The following GALNT7 variants were observed in gnomAD, a reference collection of about 807,000 sequenced individuals.
GALNT7 encodes the protein N-acetylgalactosaminyltransferase 7.
A neutral mutation model predicts 82.1 loss-of-function variants in GALNT7; 60 were observed. That is an observed-to-expected ratio of 0.73 (90% CI 0.59 to 0.91). GALNT7 has a LOEUF of 0.91. Among genes scored for constraint, GALNT7 ranks in the 40% least tolerant of loss-of-function variants. The pLI is 0.00. For missense variants in GALNT7, 660 were observed against 804.2 expected (o/e 0.82, Z 2.17); for synonymous variants, 243 against 275.1 (o/e 0.88, Z 1.15).
At chr4:173,169,033 A>T in intron 1 of GALNT7, 72 bp downstream of exon 1, 1 of 1,499,104 alleles carries the variant, frequency 6.7e-7, no homozygotes, top group Non-Finnish European at 9.1e-7. Context: ...GTGTGGAGGG[A>T]GCAGGGGCGG....
chr4:173,172,321 C>G (rs1435653217), intron 1 of GALNT7, among the ~76,000 whole-genome samples: 1 of 152,202 alleles, frequency 6.6e-6, no homozygotes, highest in Non-Finnish European at 1.5e-5. Context: ...AAGTTTTACT[C>G]ATGCTCACTT....
intron 1 of GALNT7, among the ~76,000 whole-genome samples, chr4:173,181,687 A>AC (rs554740684): frequency 1.5e-3 from 222 of 152,318 alleles, no homozygotes; most frequent in African/African-American, 5.2e-3. Context: ...CTACAGACAT[A>AC]ATAAAGCTGA....
chr4:173,234,930 G>A (rs1043585212), intron 1 of GALNT7, among the ~76,000 whole-genome samples: 3 of 152,134 alleles, frequency 2.0e-5, no homozygotes, highest in Non-Finnish European at 4.4e-5. Flanking sequence ...GCAGCCTGAG[G>A]CCCTATCAGA....
At chr4:173,170,173 C>A (rs999580035) in intron 1 of GALNT7, among the ~76,000 whole-genome samples, 2 of 152,168 alleles carry the variant, frequency 1.3e-5, no homozygotes, top group Admixed American at 6.5e-5. Flanking sequence ...TCCTCCTCCC[C>A]GCTGGGACAG....
intron 1 of GALNT7, among the ~76,000 whole-genome samples, chr4:173,181,285 G>A (rs57303879): frequency 6.6e-6 from 1 of 152,072 alleles, no homozygotes; most frequent in Non-Finnish European, 1.5e-5. Flanking sequence ...CTGCAGTTTC[G>A]TTAACTGTTG....
chr4:173,236,429 C>CT (rs1246646110), intron 1 of GALNT7, among the ~76,000 whole-genome samples: 1 of 152,194 alleles, frequency 6.6e-6, no homozygotes, highest in Non-Finnish European at 1.5e-5. Context: ...TCTTATCTCT[C>CT]TGACAACATC....
intron 3 of GALNT7, among the ~76,000 whole-genome samples, chr4:173,293,687 A>G (rs1203582117): frequency 1.3e-5 from 2 of 152,206 alleles, no homozygotes. Context: ...ACTGCGACTG[A>G]GTTGGGCCGA....
In GALNT7 at chr4:173,205,957, G is replaced by A. The variant is rs1026042125; in HGVS notation, c.126+36996G>A. Among the ~76,000 whole-genome samples the A allele has an allele frequency of 2.6e-5, 4 of 152,244 alleles. No homozygotes were observed. The East Asian group carries it at 7.7e-4, about 29-fold the overall frequency. ...CTGCCAGGCTAGCCTAGAGCCTGGG[G>A]CTGCAGGATCCTGCCTGGTGCTGGG... On this transcript the variant is annotated intron_variant, in intron 1 of 11. Coordinates refer to ENST00000265000, the MANE Select transcript of GALNT7 (RefSeq NM_017423.3).
At chr4:173,261,615 G>A (rs1020152452) in intron 2 of GALNT7, among the ~76,000 whole-genome samples, 1 of 152,018 alleles carries the variant, frequency 6.6e-6, no homozygotes, top group Non-Finnish European at 1.5e-5. Context: ...CCAGGAGTTC[G>A]AGACCAGCCT....
chr4:173,214,074 C>A (rs1733363924), intron 1 of GALNT7, among the ~76,000 whole-genome samples: 1 of 152,038 alleles, frequency 6.6e-6, no homozygotes, highest in African/African-American at 2.4e-5. Flanking sequence ...TCCAGGCAAA[C>A]CTCAAACAAT....
intron 1 of GALNT7, among the ~76,000 whole-genome samples, chr4:173,177,262 G>C (rs933635741): frequency 6.6e-6 from 1 of 152,170 alleles, no homozygotes; most frequent in Admixed American, 6.5e-5. Flanking sequence ...ATCATGCTTT[G>C]AGGAGTGCCA....
chr4:173,174,772 G>A (rs1437962709), intron 1 of GALNT7, among the ~76,000 whole-genome samples: 1 of 152,196 alleles, frequency 6.6e-6, no homozygotes, highest in Non-Finnish European at 1.5e-5. Flanking sequence ...ACAAGGATAT[G>A]TTTCATCAGT....
At chr4:173,252,274 G>A (rs1252186626) in intron 2 of GALNT7, among the ~76,000 whole-genome samples, 2 of 152,322 alleles carry the variant, frequency 1.3e-5, no homozygotes, top group East Asian at 3.9e-4. Context: ...GAGCCCCTCA[G>A]AAGCTGGCTT....
intron 1 of GALNT7, among the ~76,000 whole-genome samples, chr4:173,198,782 G>A (rs1201183973): frequency 6.6e-6 from 1 of 152,194 alleles, no homozygotes; most frequent in Non-Finnish European, 1.5e-5. Context: ...GGGGGAGGGA[G>A]AGAGAGATGA....
In GALNT7 at chr4:173,216,619, G is replaced by A. The variant is rs61647817; in HGVS notation, c.127-31361G>A. 7.1e-3 allele frequency among the ~76,000 whole-genome samples: 1,063 copies of A among 149,664 alleles called. 13 individuals carry two copies. The highest frequency in any genetic ancestry group is 0.024 in the African/African-American group (982 of 40,634). On this transcript the variant is annotated intron_variant, in intron 1 of 11. Transcript: ENST00000265000. ...GCTCTCTATTTGGCAACTGAGTGGT[G>A]GTTGTGTTCCCCAGGTGTGAGGGTT...
At chr4:173,188,702 A>C (rs941725715) in intron 1 of GALNT7, among the ~76,000 whole-genome samples, 1 of 152,148 alleles carries the variant, frequency 6.6e-6, no homozygotes, top group Non-Finnish European at 1.5e-5. Flanking sequence ...TTTCATGTTC[A>C]TGTGCAGCAT....
intron 2 of GALNT7, among the ~76,000 whole-genome samples, chr4:173,251,734 C>T (rs1182076731): frequency 6.6e-6 from 1 of 152,136 alleles, no homozygotes; most frequent in African/African-American, 2.4e-5. Flanking sequence ...GGAGCAGTGC[C>T]TAGAAATAGG....
chr4:173,246,465 GCTGTAATTACCC>G (rs1420439034), intron 1 of GALNT7, among the ~76,000 whole-genome samples: 1 of 152,124 alleles, frequency 6.6e-6, no homozygotes, highest in Non-Finnish European at 1.5e-5. Flanking sequence ...GAAGTTGGTA[GCTGTAATTACCC>G]CTGCAGAAGG....
chr4:173,234,960 CT>C (rs1325760470), intron 1 of GALNT7, among the ~76,000 whole-genome samples: 1 of 152,210 alleles, frequency 6.6e-6, no homozygotes, highest in Non-Finnish European at 1.5e-5. Context: ...TGGTACCATG[CT>C]TCTTATACAG....
Sources: gnomAD v4.1 joint callset for allele counts (sites outside exome capture counted in the v4.1 genomes callset) on GRCh38, gnomAD v4.1.1 for gene constraint, MANE v1.5 for transcripts, NCBI Gene and HGNC (gene_info 2026-07-23, HGNC 2026-07-21) for gene names.